WDPCP: variants seen among roughly 807,000 people sequenced by gnomAD.
WDPCP encodes the protein WD repeat-containing and planar cell polarity effector protein fritz homolog.
A neutral mutation model predicts 93.1 loss-of-function variants in WDPCP; 71 were observed. The ratio of observed to expected loss-of-function variants is 0.76; its 90% CI spans 0.63 to 0.93. The LOEUF is 0.93. Ranked by LOEUF, WDPCP falls within the 40% of genes least tolerant of loss-of-function variation. The pLI is 0.00. For missense variants in WDPCP, 844 were observed against 887.4 expected, an observed-to-expected ratio of 0.95 and a Z score of 0.62; for synonymous variants, 315 against 315.0, an observed-to-expected ratio of 1.00 and a Z score of 0.00.
chr2:63,477,146 TAC>T (rs554387633), intron 6 of WDPCP, among the ~76,000 whole-genome samples: 114 of 152,296 alleles, frequency 7.5e-4, no homozygotes, highest in African/African-American at 2.5e-3. Flanking sequence ...CATAATAATC[TAC>T]AAACATGAAT....
chr2:63,633,623 C>A (rs1056621842), intron 3 of WDPCP, among the ~76,000 whole-genome samples: 1 of 151,946 alleles, frequency 6.6e-6, no homozygotes, highest in East Asian at 1.9e-4. Flanking sequence ...AAAATCAAAG[C>A]ATTCCACTAT....
intron 2 of WDPCP, among the ~76,000 whole-genome samples, chr2:63,769,225 G>T (rs1400483093): frequency 6.6e-6 from 1 of 151,862 alleles, no homozygotes; most frequent in Non-Finnish European, 1.5e-5. Flanking sequence ...TATTATGTAG[G>T]ACATAATGCA....
intron 3 of WDPCP, among the ~76,000 whole-genome samples, chr2:63,630,327 TA>T (rs1459450132): frequency 6.6e-6 from 1 of 152,124 alleles, no homozygotes; most frequent in Non-Finnish European, 1.5e-5. Context: ...AGGCATCAGT[TA>T]AAAGACAGAT....
chr2:63,137,899 G>C (rs1670742859), intron 17 of WDPCP, among the ~76,000 whole-genome samples: 2 of 152,120 alleles, frequency 1.3e-5, no homozygotes, highest in South Asian at 2.1e-4. Context: ...TCTCTATTCT[G>C]TTCCATTGGT....
intron 1 of WDPCP, among the ~76,000 whole-genome samples, chr2:63,826,377 A>C (rs1028701621): frequency 4.0e-5 from 6 of 151,422 alleles, no homozygotes; most frequent in African/African-American, 1.5e-4. Context: ...TTATCTTCTG[A>C]CTTAGCACAA....
intron 12 of WDPCP, among the ~76,000 whole-genome samples, chr2:63,330,699 A>C (rs1687913852): frequency 6.6e-6 from 1 of 152,084 alleles, no homozygotes; most frequent in Admixed American, 6.6e-5. Context: ...TACTTCTAGC[A>C]GTTTTAGTTT....
intron 3 of WDPCP, among the ~76,000 whole-genome samples, chr2:63,619,852 T>C (rs1709713148): frequency 1.3e-5 from 2 of 152,090 alleles, no homozygotes; most frequent in South Asian, 2.1e-4. Context: ...GGTTAGACAG[T>C]GGGTGCGGCC....
chr2:63,693,260 T>C (rs559167966), intron 2 of WDPCP, among the ~76,000 whole-genome samples: 1 of 152,316 alleles, frequency 6.6e-6, no homozygotes, highest in Non-Finnish European at 1.5e-5. Context: ...AGATGTTTTA[T>C]AGTTTACAAA....
intron 17 of WDPCP, among the ~76,000 whole-genome samples, chr2:63,123,127 G>A (rs1458540347): frequency 6.6e-6 from 1 of 151,522 alleles, no homozygotes; most frequent in Non-Finnish European, 1.5e-5. Context: ...AGTGTGTGCT[G>A]GCAAGTTCCA....
chr2:63,391,232 T>G (rs947725705), intron 10 of WDPCP, among the ~76,000 whole-genome samples: 10 of 152,160 alleles, frequency 6.6e-5, no homozygotes, highest in Admixed American at 6.5e-4. Flanking sequence ...CAAGGCTGAT[T>G]AAACATACGC....
At chr2:63,769,192 T>G (rs964428984) in intron 2 of WDPCP, among the ~76,000 whole-genome samples, 1 of 151,864 alleles carries the variant, frequency 6.6e-6, no homozygotes, top group Non-Finnish European at 1.5e-5. Context: ...GGGAAAAAAA[T>G]GAATACATTG....
chr2:63,265,436 G>A (rs1682023133), intron 13 of WDPCP, among the ~76,000 whole-genome samples: 1 of 152,048 alleles, frequency 6.6e-6, no homozygotes, highest in Non-Finnish European at 1.5e-5. Context: ...CAGAAGAAAT[G>A]AATGAGCTCC....
At chr2:63,375,639 A>G (rs919983624) in intron 12 of WDPCP, among the ~76,000 whole-genome samples, 1 of 151,924 alleles carries the variant, frequency 6.6e-6, no homozygotes, top group Non-Finnish European at 1.5e-5. Flanking sequence ...GACAAAAAAG[A>G]CCAAAAAGTG....
chr2:63,119,771 A>G lies in WDPCP; in HGVS notation c.*2235T>C, dbSNP rs187342477. Reference sequence around the variant, plus strand: ...ATACCACTCTTCTTACTTTAGAGCTATGGTAGCCCCTTCATAATCCTTTCA... The same window carrying G: ...ATACCACTCTTCTTACTTTAGAGCTGTGGTAGCCCCTTCATAATCCTTTCA... On this transcript the variant is annotated 3_prime_UTR_variant, in exon 18 of 18. Coordinates refer to ENST00000272321, the MANE Select transcript of WDPCP (RefSeq NM_015910.7). Among the ~76,000 whole-genome samples, 38 of 152,342 alleles carry G rather than the reference A, an allele frequency of 2.5e-4. No homozygotes were observed. Among genetic ancestry groups the G allele is most frequent in the African/African-American group, 8.2e-4 (34 of 41,580 alleles).
rs1175420407 is a variant in WDPCP at position 63,222,273 on chromosome 2, A to C, written c.1915+37034T>G. Among the ~76,000 whole-genome samples, 3 of 152,336 alleles carry C rather than the reference A, an allele frequency of 2.0e-5. No individual in the cohort carries two copies. The South Asian group carries it at 6.2e-4, about 32-fold the overall frequency. On this transcript the variant is annotated intron_variant, in intron 14 of 17. Transcript: ENST00000272321. ...ACAGACACTTTTAACAGTGTCTGGA[A>C]GGCTTCCTCACTTACAATTCTACTG... is the stretch of plus-strand genomic sequence containing the variant.
At position 63,439,815 on chromosome 2, in the gene WDPCP, C is replaced by T. The variant is rs936240499; in HGVS notation, c.441G>A (p.Glu147=). Reference sequence around the variant, plus strand: ...CCAGGCTTCTGTCAATCACCACTTTCTCCAGCTGCGGCCCAGAAAGGCTTA... The same window carrying T: ...CCAGGCTTCTGTCAATCACCACTTTTTCCAGCTGCGGCCCAGAAAGGCTTA... ...VSLSLSGPQL[E]KVVIDRSLVG... Residue 147 remains glutamate (E), a synonymous_variant, in exon 7 of 18, where the codon GAG becomes GAA. Transcript: ENST00000272321. 1.9e-6 allele frequency: 3 copies of T among 1,613,200 alleles called. No individual in the cohort carries two copies. Among genetic ancestry groups the T allele is most frequent in the Non-Finnish European group, 2.5e-6 (3 of 1,179,446 alleles).
At chr2:63,327,234 C>T (rs909603776) in intron 12 of WDPCP, among the ~76,000 whole-genome samples, 6 of 152,134 alleles carry the variant, frequency 3.9e-5, no homozygotes, top group African/African-American at 1.4e-4. Context: ...CTGCTCAAAC[C>T]TGCGAGTTGT....
intron 6 of WDPCP, chr2:63,442,212 C>CT (rs932678433): frequency 6.6e-6 from 1 of 152,194 alleles, no homozygotes; most frequent in Non-Finnish European, 1.5e-5. Context: ...CTACTTGTTA[C>CT]TAGCTGTGTG....
chr2:63,232,400 G>C (rs536473160), intron 14 of WDPCP: 1 of 152,322 alleles, frequency 6.6e-6, no homozygotes, highest in Admixed American at 6.5e-5. Context: ...TGTAGTGAAA[G>C]ACAGGCTGGT....
Sources: gnomAD v4.1 joint callset for allele counts (sites outside exome capture counted in the v4.1 genomes callset) on GRCh38, gnomAD v4.1.1 for gene constraint, MANE v1.5 for transcripts, NCBI Gene and HGNC (gene_info 2026-07-23, HGNC 2026-07-21) for gene names.